The following FHOD3 variants were observed in gnomAD, a reference collection of about 807,000 sequenced individuals.
FHOD3 encodes formin homology 2 domain containing 3.
FHOD3 carries 90 observed loss-of-function variants against 173.0 expected under a neutral mutation model. That is an observed-to-expected ratio of 0.52 (90% confidence interval 0.44 to 0.62). The LOEUF (loss-of-function observed/expected upper bound fraction) is 0.62. Ranked by LOEUF, FHOD3 falls within the 20% of genes least tolerant of loss-of-function variation. The probability of loss-of-function intolerance (pLI) is 0.00; values close to 1 mark genes in which losing one functional copy is unlikely to be tolerated. For missense variants in FHOD3, 1,945 were observed against 2,034.7 expected (o/e 0.96, Z 0.85); for synonymous variants, 828 against 823.0 (o/e 1.01, Z -0.10).
intron 3 of FHOD3, among the ~76,000 whole-genome samples, chr18:36,411,704 G>C (rs2049360090): frequency 6.6e-6 from 1 of 152,230 alleles, no homozygotes; most frequent in Non-Finnish European, 1.5e-5. Context: ...CCTGGCCTGA[G>C]TGGCCCAGGA....
chr18:36,727,519 A>G (rs2041138187), intron 19 of FHOD3, among the ~76,000 whole-genome samples: 1 of 152,142 alleles, frequency 6.6e-6, no homozygotes, highest in South Asian at 2.1e-4. Context: ...CATTTCAGGT[A>G]TTCCTTTAAT....
intron 21 of FHOD3, among the ~76,000 whole-genome samples, chr18:36,741,600 T>A (rs2041905481): frequency 6.6e-6 from 1 of 151,942 alleles, no homozygotes; most frequent in African/African-American, 2.4e-5. Context: ...TGAGACCCTG[T>A]CTCTACAGAA....
chr18:36,665,711 C>T (rs146628971), intron 14 of FHOD3, among the ~76,000 whole-genome samples: 1 of 152,118 alleles, frequency 6.6e-6, no homozygotes, highest in Non-Finnish European at 1.5e-5. Context: ...AGAGAAGAGG[C>T]AAGTGTGCAA....
intron 3 of FHOD3, among the ~76,000 whole-genome samples, chr18:36,480,787 T>C (rs887808429): frequency 6.6e-6 from 1 of 152,236 alleles, no homozygotes; most frequent in Non-Finnish European, 1.5e-5. Context: ...TGCATGTTCA[T>C]TGGCAGGCTT....
intron 3 of FHOD3, among the ~76,000 whole-genome samples, chr18:36,428,399 C>T (rs183469448): frequency 4.6e-5 from 7 of 152,326 alleles, no homozygotes; most frequent in Admixed American, 4.6e-4. Flanking sequence ...CCCCCTTCCT[C>T]CATCTTTGGA....
At chr18:36,664,777 TGAGAGAGAGAGAGAGAGA>T (rs373836211) in intron 14 of FHOD3, among the ~76,000 whole-genome samples, 3 of 129,526 alleles carry the variant, frequency 2.3e-5, no homozygotes, top group African/African-American at 8.7e-5. Context: ...TGTGTGTATG[TGAGAGAGAGAGAGAGAGA>T]GAGAGAGAGA....
chr18:36,610,440 T>C (rs1390410694), intron 8 of FHOD3, among the ~76,000 whole-genome samples: 1 of 152,266 alleles, frequency 6.6e-6, no homozygotes, highest in Non-Finnish European at 1.5e-5. Context: ...CTGGTTCCTG[T>C]AGACACTGGT....
chr18:36,697,559 A>T (rs1017270837), intron 17 of FHOD3, among the ~76,000 whole-genome samples: 1 of 152,228 alleles, frequency 6.6e-6, no homozygotes. Context: ...TCAAGGAAAA[A>T]TACGTTTGAC....
intron 27 of FHOD3, among the ~76,000 whole-genome samples, chr18:36,764,261 G>A (rs2043045540): frequency 6.6e-6 from 1 of 152,190 alleles, no homozygotes; most frequent in South Asian, 2.1e-4. Flanking sequence ...ATTAAATGGT[G>A]AACAATAGAG....
In FHOD3 at chr18:36,750,218, G is replaced by A. The variant is rs572770029; in HGVS notation, c.4232+3083G>A. Among the ~76,000 whole-genome samples, 148 of 152,284 alleles carry A rather than the reference G, an allele frequency of 9.7e-4. No individual in the cohort carries two copies. In the Middle Eastern group the frequency reaches 0.014, roughly 14 times the overall value. ...ACAGGAGAATGGCATGACCTGGGAG[G>A]TGGAGCTTGCAGTGAGCCGAGACAG... is the stretch of plus-strand genomic sequence containing the variant. On this transcript the variant is annotated intron_variant, in intron 24 of 28. Coordinates refer to ENST00000590592, the MANE Select transcript of FHOD3 (RefSeq NM_001281740.3).
chr18:36,337,412 C>T (rs1016036996), intron 1 of FHOD3, among the ~76,000 whole-genome samples: 7 of 152,150 alleles, frequency 4.6e-5, no homozygotes, highest in African/African-American at 1.7e-4. Context: ...CTTTTCCTCT[C>T]CAAACCTTTC....
At chr18:36,413,801 A>AGT (rs1390469984) in intron 3 of FHOD3, among the ~76,000 whole-genome samples, 1 of 152,184 alleles carries the variant, frequency 6.6e-6, no homozygotes, top group Non-Finnish European at 1.5e-5. Context: ...TGTACATTTC[A>AGT]GTGTCATTAC....
At chr18:36,469,611 T>C (rs1197683103) in intron 3 of FHOD3, among the ~76,000 whole-genome samples, 2 of 152,180 alleles carry the variant, frequency 1.3e-5, no homozygotes, top group Admixed American at 6.5e-5. Flanking sequence ...TGACATCAGC[T>C]ATCACTCGAC....
At chr18:36,410,921 A>T (rs2049326663) in intron 3 of FHOD3, among the ~76,000 whole-genome samples, 2 of 152,146 alleles carry the variant, frequency 1.3e-5, no homozygotes, top group South Asian at 4.1e-4. Flanking sequence ...CCCTTATCAG[A>T]TATACGCTTT....
chr18:36,750,708 G>T (rs758998253), intron 24 of FHOD3, among the ~76,000 whole-genome samples: 1 of 152,178 alleles, frequency 6.6e-6, no homozygotes, highest in Non-Finnish European at 1.5e-5. Context: ...CATTTGACTA[G>T]CCAGTTATCC....
chr18:36,704,070 G>A (rs1447722056), intron 17 of FHOD3, among the ~76,000 whole-genome samples: 5 of 152,136 alleles, frequency 3.3e-5, no homozygotes, highest in African/African-American at 1.2e-4. Context: ...AGGATACCCT[G>A]GACCCCTTCT....
At chr18:36,368,934 A>G (rs2047032259) in intron 2 of FHOD3, among the ~76,000 whole-genome samples, 1 of 152,146 alleles carries the variant, frequency 6.6e-6, no homozygotes, top group Non-Finnish European at 1.5e-5. Flanking sequence ...GGGGATTACA[A>G]GTCAAGATGA....
At chr18:36,325,009 A>G (rs2044596844) in intron 1 of FHOD3, among the ~76,000 whole-genome samples, 1 of 152,262 alleles carries the variant, frequency 6.6e-6, no homozygotes, top group Admixed American at 6.5e-5. Flanking sequence ...ATGTATGGTT[A>G]TATCCCTGCA....
intron 10 of FHOD3, among the ~76,000 whole-genome samples, chr18:36,630,855 T>C (rs1026262784): frequency 2.0e-5 from 3 of 152,238 alleles, no homozygotes; most frequent in Admixed American, 1.3e-4. Context: ...TTGACTAATG[T>C]ATGTTTCACA....
Sources: gnomAD v4.1 joint callset for allele counts (sites outside exome capture counted in the v4.1 genomes callset) on GRCh38, gnomAD v4.1.1 for gene constraint, MANE v1.5 for transcripts, NCBI Gene and HGNC (gene_info 2026-07-23, HGNC 2026-07-21) for gene names.